The following DEPTOR variants were observed in gnomAD, a reference collection of about 807,000 sequenced individuals.
The protein encoded by DEPTOR is DEP domain-containing mTOR-interacting protein.
A neutral mutation model predicts 41.6 loss-of-function variants in DEPTOR; 41 were observed. The ratio of observed to expected loss-of-function variants is 0.98; its 90% CI spans 0.77 to 1.28. The LOEUF is 1.28. Among genes scored for constraint, DEPTOR ranks in the 50% most tolerant of loss-of-function variants. DEPTOR has a pLI of 0.00. For synonymous variants in DEPTOR, 195 were observed against 192.3 expected (o/e 1.01, Z -0.12); for missense variants, 514 against 527.9 (o/e 0.97, Z 0.26).
chr8:119,905,922 C>T (rs908390906), intron 1 of DEPTOR, among the ~76,000 whole-genome samples: 5 of 152,104 alleles, frequency 3.3e-5, no homozygotes, highest in African/African-American at 1.2e-4. Context: ...GGATTAAAGG[C>T]GCAAGCCACT....
intron 4 of DEPTOR, among the ~76,000 whole-genome samples, chr8:119,972,928 G>A (rs1828652178): frequency 6.6e-6 from 1 of 152,074 alleles, no homozygotes; most frequent in Admixed American, 6.6e-5. Context: ...TTGCAAATGG[G>A]AAATGGGATA....
At chr8:120,011,556 G>A (rs74754237) in intron 8 of DEPTOR, among the ~76,000 whole-genome samples, 2,028 of 152,180 alleles carry the variant, frequency 0.013, 47 homozygotes, top group African/African-American at 0.047. Flanking sequence ...TTGGCACAAT[G>A]CTTCAGTTCT....
intron 4 of DEPTOR, among the ~76,000 whole-genome samples, chr8:119,991,425 T>A (rs1166041506): frequency 6.6e-6 from 1 of 151,952 alleles, no homozygotes; most frequent in African/African-American, 2.4e-5. Flanking sequence ...AAGTGATTCT[T>A]GTGCTTCAGC....
chr8:119,884,693 A>G (rs957767553), intron 1 of DEPTOR, among the ~76,000 whole-genome samples: 1 of 151,912 alleles, frequency 6.6e-6, no homozygotes, highest in Non-Finnish European at 1.5e-5. Flanking sequence ...CCAAACACAT[A>G]TAATGAGTGT....
At chr8:120,015,586 G>A (rs943943700) in intron 8 of DEPTOR, among the ~76,000 whole-genome samples, 5 of 152,138 alleles carry the variant, frequency 3.3e-5, no homozygotes, top group Admixed American at 1.3e-4. Flanking sequence ...TTTGTCTCTA[G>A]TCAAATTGGA....
chr8:120,021,057 T>TAAAAATAAAATAAAATAAAA (rs1812700152), intron 8 of DEPTOR, among the ~76,000 whole-genome samples: 1 of 8,558 alleles, frequency 1.2e-4, no homozygotes. Context: ...AGACTCTGTC[T>TAAAAATAAAATAAAATAAAA]CAAAATAAAA....
chr8:120,032,818 A>G (rs1812912679), intron 8 of DEPTOR, among the ~76,000 whole-genome samples: 1 of 152,190 alleles, frequency 6.6e-6, no homozygotes, highest in South Asian at 2.1e-4. Flanking sequence ...GCCAACTTGA[A>G]TCTGGAACTG....
intron 3 of DEPTOR, among the ~76,000 whole-genome samples, chr8:119,954,422 G>A (rs1828392038): frequency 6.6e-6 from 1 of 152,120 alleles, no homozygotes; most frequent in Non-Finnish European, 1.5e-5. Context: ...CTGGGATTAA[G>A]GTGTGAGCCA....
At chr8:119,912,462 A>C (rs1426038513) in intron 1 of DEPTOR, among the ~76,000 whole-genome samples, 3 of 152,240 alleles carry the variant, frequency 2.0e-5, no homozygotes, top group Non-Finnish European at 4.4e-5. Flanking sequence ...GTTTCGGTTG[A>C]GAAATTTTTG....
At chr8:119,998,958 A>G (rs1812308141) in intron 4 of DEPTOR, among the ~76,000 whole-genome samples, 1 of 151,652 alleles carries the variant, frequency 6.6e-6, no homozygotes, top group African/African-American at 2.4e-5. Flanking sequence ...AAAAAAAAAA[A>G]AAAGAAGAAG....
At chr8:119,991,076 TTCTTTCTTTCTTTTTC>T (rs1360713081) in intron 4 of DEPTOR, among the ~76,000 whole-genome samples, 44 of 75,518 alleles carry the variant, frequency 5.8e-4, no homozygotes, top group African/African-American at 1.9e-3. Flanking sequence ...CTTTCTTTCT[TTCTTTCTTTCTTTTTC>T]TTTCTTTCTT....
intron 8 of DEPTOR, among the ~76,000 whole-genome samples, chr8:120,044,749 T>G (rs1813130114): frequency 6.6e-6 from 1 of 152,204 alleles, no homozygotes. Context: ...TTATTAAGTG[T>G]GTAAAGTACT....
At chr8:119,909,368 C>A (rs370594951) in intron 1 of DEPTOR, among the ~76,000 whole-genome samples, 1 of 152,150 alleles carries the variant, frequency 6.6e-6, no homozygotes, top group African/African-American at 2.4e-5. Flanking sequence ...CTGTCTTTGG[C>A]TTAATGAGTG....
intron 4 of DEPTOR, among the ~76,000 whole-genome samples, chr8:119,986,565 T>C (rs1342415140): frequency 2.0e-5 from 3 of 152,128 alleles, no homozygotes; most frequent in Non-Finnish European, 4.4e-5. Flanking sequence ...TGAATTTGAA[T>C]GTTGGCCTGT....
At chr8:119,933,152 C>T (rs138367914) in intron 3 of DEPTOR, among the ~76,000 whole-genome samples, 2 of 152,108 alleles carry the variant, frequency 1.3e-5, no homozygotes, top group East Asian at 3.9e-4. Context: ...CCGCTCTCAC[C>T]CCTTTCCCTA....
At chr8:119,900,326 AAAAAAAAAAAAG>A (rs1827570843) in intron 1 of DEPTOR, among the ~76,000 whole-genome samples, 1 of 108,322 alleles carries the variant, frequency 9.2e-6, no homozygotes, top group East Asian at 4.9e-4. Flanking sequence ...TCCATCTCAA[AAAAAAAAAAAAG>A]AAAAAAAAAA....
intron 8 of DEPTOR, among the ~76,000 whole-genome samples, chr8:120,018,968 C>T (rs749975531): frequency 1.3e-5 from 2 of 152,210 alleles, no homozygotes; most frequent in Non-Finnish European, 2.9e-5. Flanking sequence ...GTTAGACCTT[C>T]ATGGGGTTTA....
chr8:119,955,402 A>G (rs552966849), intron 3 of DEPTOR, among the ~76,000 whole-genome samples: 1 of 152,308 alleles, frequency 6.6e-6, no homozygotes, highest in African/African-American at 2.4e-5. Flanking sequence ...TCTTTCAAAC[A>G]TAGGAGTTTT....
chr8:120,009,238 C>G, intron 8 of DEPTOR, 105 bp downstream of exon 8: 1 of 984,582 alleles, frequency 1.0e-6, no homozygotes, highest in Non-Finnish European at 1.5e-6. Context: ...ATTTTGTGTC[C>G]TTTTCTATTT....
Sources: gnomAD v4.1 joint callset for allele counts (sites outside exome capture counted in the v4.1 genomes callset) on GRCh38, gnomAD v4.1.1 for gene constraint, MANE v1.5 for transcripts, NCBI Gene and HGNC (gene_info 2026-07-23, HGNC 2026-07-21) for gene names.